C3orf49: variants seen among roughly 807,000 people sequenced by gnomAD.
The protein encoded by C3orf49 is chromosome 3 open reading frame 49.
Under a neutral mutation model 13.3 loss-of-function variants are expected in C3orf49, and 27 were observed. That is an observed-to-expected ratio of 2.02 (90% confidence interval 1.49 to 2.79). The LOEUF (loss-of-function observed/expected upper bound fraction) is 2.79. C3orf49 is among the 30% of genes most tolerant of loss of function. The pLI, the probability that C3orf49 is intolerant of heterozygous loss-of-function variation, is 0.00. For synonymous variants in C3orf49, 87 were observed against 47.6 expected (o/e 1.83, Z -3.40); for missense variants, 242 against 134.2 (o/e 1.80, Z -3.97).
the C3orf49 span, among the ~76,000 whole-genome samples, chr3:63,788,821 C>G: frequency 6.6e-6 from 1 of 152,016 alleles, no homozygotes; most frequent in African/African-American, 2.4e-5. Flanking sequence ...CAAATTTTAA[C>G]CTAAGCTACT....
At chr3:63,808,555 T>C in the C3orf49 span, among the ~76,000 whole-genome samples, 31 of 152,354 alleles carry the variant, frequency 2.0e-4, no homozygotes, top group Admixed American at 1.0e-3. Flanking sequence ...AGTGAAGGTT[T>C]TAGCAAAGGT....
chr3:63,809,841 G>A, the C3orf49 span, among the ~76,000 whole-genome samples: 312 of 152,226 alleles, frequency 2.0e-3, no homozygotes, highest in Middle Eastern at 0.017. Context: ...CATAATTGCG[G>A]TTTTTGCCAT....
At chr3:63,811,226 C>G in the C3orf49 span, among the ~76,000 whole-genome samples, 1 of 152,150 alleles carries the variant, frequency 6.6e-6, no homozygotes, top group African/African-American at 2.4e-5. Context: ...AAACTCTTCA[C>G]TTTCTGAAAT....
At chr3:63,828,174 A>C (rs1167864011) in intron 3 of C3orf49, among the ~76,000 whole-genome samples, 1 of 152,236 alleles carries the variant, frequency 6.6e-6, no homozygotes, top group Non-Finnish European at 1.5e-5. Context: ...TGAATTTTTA[A>C]TCTTAATTTT....
the C3orf49 span, among the ~76,000 whole-genome samples, chr3:63,788,059 G>A: frequency 1.9e-4 from 29 of 152,210 alleles, 1 homozygote; most frequent in Admixed American, 1.8e-3. Context: ...GGCAAGCTTG[G>A]TGCTTCAAGA....
chr3:63,836,658 T>C (rs1419262307), intron 5 of C3orf49, among the ~76,000 whole-genome samples: 1 of 151,994 alleles, frequency 6.6e-6, no homozygotes, highest in Non-Finnish European at 1.5e-5. Context: ...GATTATCAAA[T>C]AGACTGATTC....
chr3:63,823,335 T>G lies in C3orf49; in HGVS notation c.211T>G (p.Phe71Val). Reference sequence around the variant, plus strand: ...ATCATCCAGTGATAGTGACATGGGATTTCATGAAAGCCAGCAAAATCAGAA... The same window carrying G: ...ATCATCCAGTGATAGTGACATGGGAGTTCATGAAAGCCAGCAAAATCAGAA... The part of the protein sequence containing the change: ...EESSSDSDMG[F>V]HESQQNQKSN... The change falls in exon 2 of 7, where the codon TTT becomes GTT. Residue 71 changes from phenylalanine to valine, a missense_variant. Transcript: ENST00000295896. 1.4e-6 allele frequency: 1 copy of G among 703,112 alleles called. No homozygotes were observed. Among genetic ancestry groups the G allele is most frequent in the Non-Finnish European group, 2.6e-6 (1 of 385,026 alleles). The allele number at this position is 703,112 out of a possible 1,614,324, so 43.6% of individuals were successfully genotyped here.
At chr3:63,846,803 C>T (rs1400651857) in intron 6 of C3orf49, among the ~76,000 whole-genome samples, 1 of 152,086 alleles carries the variant, frequency 6.6e-6, no homozygotes, top group Non-Finnish European at 1.5e-5. Context: ...ATGAAAGAGG[C>T]AGAATGATAG....
chr3:63,780,932 T>C, the C3orf49 span, among the ~76,000 whole-genome samples: 27 of 152,276 alleles, frequency 1.8e-4, no homozygotes, highest in African/African-American at 6.5e-4. Flanking sequence ...TCTCCCATTC[T>C]GTAGGTTGCC....
At chr3:63,802,592 A>C in the C3orf49 span, among the ~76,000 whole-genome samples, 1 of 152,134 alleles carries the variant, frequency 6.6e-6, no homozygotes, top group South Asian at 2.1e-4. Context: ...ATTACCTGTA[A>C]TCTGGCTATA....
Position 63,827,518 on chromosome 3 carries a change from T to A in C3orf49, c.446-83T>A, listed in dbSNP as rs968257512. 6.5e-6 allele frequency: 4 copies of A among 614,550 alleles called. No individual in the cohort carries two copies. The African/African-American group carries it at 7.4e-5, about 11-fold the overall frequency. The allele number at this position is 614,550 out of a possible 1,614,324, so 38.1% of individuals were successfully genotyped here. A position where few individuals can be genotyped will look rare whatever the true frequency, so the allele number is the denominator to read the frequency against. On this transcript the variant is annotated intron_variant, in intron 2 of 6. Transcript: ENST00000295896. ...CACTGAAGCAGCAAGTGATGCTGTC[T>A]TCTAAGAATACTGTATTTTTAACAG...
chr3:63,786,350 G>A, the C3orf49 span, among the ~76,000 whole-genome samples: 1 of 152,170 alleles, frequency 6.6e-6, no homozygotes. Flanking sequence ...TTCAAGAATA[G>A]AAAAATGAAT....
the C3orf49 span, among the ~76,000 whole-genome samples, chr3:63,783,525 T>TACACACAC: frequency 0.03 from 3,918 of 131,968 alleles, 113 homozygotes; most frequent in East Asian, 0.15. Flanking sequence ...TACTAAAAAT[T>TACACACAC]ACACACACAC....
intron 2 of C3orf49, chr3:63,827,368 TC>T (rs1277627352): frequency 1.1e-5 from 4 of 353,032 alleles, no homozygotes; most frequent in Non-Finnish European, 2.0e-5. Flanking sequence ...GGCTACCTTG[TC>T]AAAGACTGGG....
intron 1 of C3orf49, among the ~76,000 whole-genome samples, chr3:63,820,964 T>TA (rs1701386284): frequency 6.6e-6 from 1 of 152,214 alleles, no homozygotes; most frequent in Non-Finnish European, 1.5e-5. Context: ...CCTTTTAAGT[T>TA]AATGGATTTT....
At chr3:63,796,106 A>G in the C3orf49 span, among the ~76,000 whole-genome samples, 6 of 152,080 alleles carry the variant, frequency 3.9e-5, no homozygotes, top group East Asian at 1.9e-4. Context: ...CACTCTTTCA[A>G]TTTTTCAGCT....
At chr3:63,827,807 T>C (rs761900436) in intron 3 of C3orf49, 82 bp downstream of exon 3, 5 of 655,120 alleles carry the variant, frequency 7.6e-6, no homozygotes, top group Non-Finnish European at 1.4e-5. Flanking sequence ...AGTTCTGTCC[T>C]ACCATGAGTC....
intron 5 of C3orf49, among the ~76,000 whole-genome samples, chr3:63,842,157 C>T (rs776280329): frequency 6.6e-6 from 1 of 152,034 alleles, no homozygotes; most frequent in Non-Finnish European, 1.5e-5. Flanking sequence ...ATTGAAATGA[C>T]CTGAATAGAC....
At chr3:63,812,185 T>A in the C3orf49 span, among the ~76,000 whole-genome samples, 44 of 152,322 alleles carry the variant, frequency 2.9e-4, no homozygotes, top group Middle Eastern at 0.01. Flanking sequence ...TAGGCCAGGG[T>A]TGTCCAATCT....
Sources: gnomAD v4.1 joint callset for allele counts (sites outside exome capture counted in the v4.1 genomes callset) on GRCh38, gnomAD v4.1.1 for gene constraint, MANE v1.5 for transcripts, NCBI Gene and HGNC (gene_info 2026-07-23, HGNC 2026-07-21) for gene names.